Variants in PARM1 observed in about 807,000 individuals in gnomAD.
PARM1 encodes the protein prostate androgen-regulated mucin-like protein 1, also known as WSC4, cell wall integrity and stress response component 4 homolog.
In PARM1, 14 loss-of-function variants were observed where a neutral mutation model predicts 24.6. The observed-to-expected ratio is 0.57, with a 90% CI of 0.38 to 0.89. The LOEUF (loss-of-function observed/expected upper bound fraction) is 0.89, where lower values mean the gene tolerates loss of function less well. PARM1 is among the 40% of genes least tolerant of loss of function. The pLI, the probability that PARM1 is intolerant of heterozygous loss-of-function variation, is 0.00. For missense variants in PARM1, 362 were observed against 380.4 expected (o/e 0.95, Z 0.40); for synonymous variants, 179 against 156.6 (o/e 1.14, Z -1.07).
rs10015446 is a variant in PARM1 at position 75,047,602 on chromosome 4, A to G, written c.*1355A>G. 0.44 allele frequency: 66,458 copies of G among 152,014 alleles called. 15,075 individuals carry two copies. Among genetic ancestry groups the G allele is most frequent in the East Asian group, 0.73 (3,760 of 5,164 alleles). The allele number at this position is 152,014 out of a possible 1,614,324, so 9.4% of individuals were successfully genotyped here. A position where few individuals can be genotyped will look rare whatever the true frequency, so the allele number is the denominator to read the frequency against. ...GTCATGACTTGGGGGTGCTACTAGAAGCCAGGAATGCTGCCAAACATTCTA... is the reference window on the plus strand; with the variant it reads ...GTCATGACTTGGGGGTGCTACTAGAGGCCAGGAATGCTGCCAAACATTCTA... On this transcript the variant is annotated 3_prime_UTR_variant, in exon 4 of 4. Transcript: ENST00000307428.
intron 1 of PARM1, among the ~76,000 whole-genome samples, chr4:74,988,813 C>G (rs1722408186): frequency 6.6e-6 from 1 of 152,078 alleles, no homozygotes; most frequent in Non-Finnish European, 1.5e-5. Context: ...TTTAAACAGG[C>G]AAAATGGGCC....
In PARM1 at chr4:75,013,073, G is replaced by A. The variant is rs754197001; in HGVS notation, c.692G>A (p.Cys231Tyr). 6.8e-6 allele frequency: 11 copies of A among 1,614,018 alleles called. No homozygotes were observed. The highest frequency in any genetic ancestry group is 2.2e-5 in the East Asian group (1 of 44,886). ...PPTTVSGKVMCELIDMETTTT... is the reference protein window; with the variant it reads ...PPTTVSGKVMYELIDMETTTT... ...ACAACTGTGTCAGGCAAAGTGATGT[G>A]TGAGCTCATAGACATGGAGACCACC... Residue 231 changes from cysteine to tyrosine, a missense_variant, in exon 2 of 4, where the codon TGT becomes TAT. By Grantham distance (194) the Cys-to-Tyr change is radical. Transcript: ENST00000307428.
intron 1 of PARM1, among the ~76,000 whole-genome samples, chr4:74,936,980 G>A (rs558951425): frequency 1.3e-4 from 20 of 152,180 alleles, no homozygotes; most frequent in East Asian, 9.7e-4. Flanking sequence ...GGCACCCTGC[G>A]CAGACGTATT....
chr4:74,965,013 A>G (rs1307984799), intron 1 of PARM1, among the ~76,000 whole-genome samples: 1 of 152,190 alleles, frequency 6.6e-6, no homozygotes, highest in African/African-American at 2.4e-5. Flanking sequence ...CTTTGTTAAT[A>G]TGACTGTTAA....
chr4:75,009,970 A>G (rs752950004), intron 1 of PARM1, among the ~76,000 whole-genome samples: 3 of 152,240 alleles, frequency 2.0e-5, no homozygotes, highest in Admixed American at 6.5e-5. Context: ...TAAGCAAAAA[A>G]TTACCATATG....
intron 1 of PARM1, among the ~76,000 whole-genome samples, chr4:75,005,410 C>A (rs1722752126): frequency 6.6e-6 from 1 of 152,244 alleles, no homozygotes; most frequent in Non-Finnish European, 1.5e-5. Context: ...GTCTGCAACT[C>A]TGCCACTGGC....
intron 2 of PARM1, among the ~76,000 whole-genome samples, chr4:75,023,946 G>C (rs1723133385): frequency 6.6e-6 from 1 of 152,138 alleles, no homozygotes; most frequent in Non-Finnish European, 1.5e-5. Flanking sequence ...TGAGTCTGGG[G>C]GAAATTAACA....
intron 1 of PARM1, among the ~76,000 whole-genome samples, chr4:74,936,690 C>T (rs1390023077): frequency 1.3e-5 from 2 of 151,926 alleles, no homozygotes; most frequent in African/African-American, 4.8e-5. Flanking sequence ...CTCCTGACCT[C>T]GTGATCCACC....
At chr4:74,980,119 C>A (rs1459789264) in intron 1 of PARM1, among the ~76,000 whole-genome samples, 1 of 152,098 alleles carries the variant, frequency 6.6e-6, no homozygotes, top group Non-Finnish European at 1.5e-5. Context: ...CTGGCCAGGG[C>A]AATCAGGCGA....
intron 2 of PARM1, among the ~76,000 whole-genome samples, chr4:75,032,395 G>C (rs1239063204): frequency 2.0e-5 from 3 of 152,118 alleles, no homozygotes; most frequent in South Asian, 4.1e-4. Context: ...TCTTAACTGT[G>C]CTACAATTCT....
intron 1 of PARM1, among the ~76,000 whole-genome samples, chr4:74,936,438 G>GTTTTTT (rs33956924): frequency 3.1e-5 from 1 of 31,864 alleles, no homozygotes; most frequent in South Asian, 2.7e-3. Context: ...ACATTCAAGT[G>GTTTTTT]TTTTTTTTTT....
At chr4:74,944,721 A>G (rs1468147611) in intron 1 of PARM1, among the ~76,000 whole-genome samples, 1 of 152,188 alleles carries the variant, frequency 6.6e-6, no homozygotes, top group African/African-American at 2.4e-5. Flanking sequence ...CACTGAGAAT[A>G]GAGTTTCAGA....
chr4:74,939,581 C>T (rs1267130384), intron 1 of PARM1, among the ~76,000 whole-genome samples: 10 of 151,904 alleles, frequency 6.6e-5, no homozygotes, highest in East Asian at 1.9e-4. Context: ...TCTTTTGTGC[C>T]GGGATCTTGA....
chr4:75,018,187 A>T (rs1213521469), intron 2 of PARM1, among the ~76,000 whole-genome samples: 1 of 152,218 alleles, frequency 6.6e-6, no homozygotes, highest in African/African-American at 2.4e-5. Context: ...ATTACAATGT[A>T]GTGTGCACAT....
intron 1 of PARM1, among the ~76,000 whole-genome samples, chr4:74,953,122 G>A (rs988005931): frequency 2.0e-5 from 3 of 152,116 alleles, no homozygotes; most frequent in African/African-American, 4.8e-5. Flanking sequence ...AAGCATGGAC[G>A]TTTATTTGGC....
chr4:74,974,462 A>G (rs894180309), intron 1 of PARM1, among the ~76,000 whole-genome samples: 2 of 152,184 alleles, frequency 1.3e-5, no homozygotes, highest in East Asian at 1.9e-4. Flanking sequence ...ATCTATGTCA[A>G]TATAATTCGG....
chr4:74,961,910 A>G (rs1721783589), intron 1 of PARM1, among the ~76,000 whole-genome samples: 1 of 152,206 alleles, frequency 6.6e-6, no homozygotes, highest in African/African-American at 2.4e-5. Flanking sequence ...TAAATACATG[A>G]ACAGTTATAA....
intron 3 of PARM1, 27 bp from the exon 4 acceptor site, chr4:75,046,136 C>G: frequency 2.6e-6 from 4 of 1,535,886 alleles, no homozygotes; most frequent in Non-Finnish European, 3.6e-6. Flanking sequence ...TCCAAGTAAT[C>G]ACAACCCTCT....
chr4:74,958,259 C>T (rs978862124), intron 1 of PARM1, among the ~76,000 whole-genome samples: 2 of 152,210 alleles, frequency 1.3e-5, no homozygotes, highest in Admixed American at 6.5e-5. Context: ...TGACTCAGCA[C>T]GTTCCTTGAA....
Sources: allele counts gnomAD v4.1 joint callset (sites outside exome capture counted in the v4.1 genomes callset), GRCh38; gene constraint gnomAD v4.1.1; transcripts MANE v1.5; gene names NCBI Gene and HGNC (gene_info 2026-07-23, HGNC 2026-07-21).